The following SHISA9 variants were observed in gnomAD, a reference collection of about 807,000 sequenced individuals.
SHISA9 encodes the protein shisa family member 9, also known as protein shisa-9.
SHISA9 carries 13 observed loss-of-function variants against 38.0 expected under a neutral mutation model. That is an observed-to-expected ratio of 0.34 (90% CI 0.22 to 0.54). The LOEUF (loss-of-function observed/expected upper bound fraction) is 0.54, where lower values mean the gene tolerates loss of function less well. SHISA9 is among the 20% of genes least tolerant of loss of function. The pLI is 0.91. For synonymous variants in SHISA9, 275 were observed against 242.0 expected (o/e 1.14, Z -1.27); for missense variants, 538 against 575.8 (o/e 0.93, Z 0.67).
At chr16:13,169,434 G>A (rs989022053) in intron 2 of SHISA9, among the ~76,000 whole-genome samples, 2 of 152,082 alleles carry the variant, frequency 1.3e-5, no homozygotes, top group African/African-American at 4.8e-5. Context: ...AGGCCATTAT[G>A]TTAGGAAAAA....
intron 2 of SHISA9, among the ~76,000 whole-genome samples, chr16:13,099,289 A>AACAC (rs58123101): frequency 2.0e-5 from 3 of 152,048 alleles, no homozygotes; most frequent in Non-Finnish European, 2.9e-5. Context: ...AAAAATGAAC[A>AACAC]ACACACACAC....
chr16:13,417,515 T>C, the SHISA9 span, among the ~76,000 whole-genome samples: 25,313 of 152,124 alleles, frequency 0.17, 2,721 homozygotes, highest in East Asian at 0.37. Context: ...TTCCTCTCTC[T>C]TGTTAGCTAT....
the SHISA9 span, among the ~76,000 whole-genome samples, chr16:13,414,174 A>C: frequency 7.0e-4 from 106 of 152,312 alleles, no homozygotes; most frequent in Middle Eastern, 3.4e-3. Flanking sequence ...TACAGTTTAA[A>C]ATTATCACCA....
chr16:13,176,665 C>G lies in SHISA9; in HGVS notation c.692-26729C>G, dbSNP rs187801760. ...GCTTACATAACTAGTGATGCCCATT[C>G]CATCTCTGAGCTGGCTTTTTGACTC... On this transcript the variant is annotated intron_variant, in intron 2 of 4. Coordinates refer to ENST00000558583, the MANE Select transcript of SHISA9 (RefSeq NM_001145204.3). 1.8e-4 allele frequency among the ~76,000 whole-genome samples: 28 copies of G among 152,296 alleles called. No homozygotes were observed. The East Asian group carries it at 4.6e-3, about 25-fold the overall frequency.
At chr16:12,949,164 A>G (rs1452013091) in intron 2 of SHISA9, among the ~76,000 whole-genome samples, 1 of 152,188 alleles carries the variant, frequency 6.6e-6, no homozygotes, top group Non-Finnish European at 1.5e-5. Context: ...TGAGATAGGA[A>G]TTCTTATGCA....
chr16:12,969,421 C>T (rs1021528584), intron 2 of SHISA9, among the ~76,000 whole-genome samples: 2 of 151,068 alleles, frequency 1.3e-5, no homozygotes, highest in African/African-American at 4.9e-5. Context: ...TCACTCCTTG[C>T]ACTTATAAAG....
At chr16:13,058,496 T>C (rs2073335933) in intron 2 of SHISA9, among the ~76,000 whole-genome samples, 1 of 152,182 alleles carries the variant, frequency 6.6e-6, no homozygotes, top group Non-Finnish European at 1.5e-5. Flanking sequence ...CTACCATGAC[T>C]TACCATTATT....
the SHISA9 span, among the ~76,000 whole-genome samples, chr16:13,545,308 G>T: frequency 6.6e-6 from 1 of 152,178 alleles, no homozygotes; most frequent in South Asian, 2.1e-4. Context: ...TAAGAACCAG[G>T]ATAAGTTTCC....
chr16:13,455,564 C>T, the SHISA9 span, among the ~76,000 whole-genome samples: 6 of 152,200 alleles, frequency 3.9e-5, no homozygotes, highest in Admixed American at 6.5e-5. Context: ...TGCCTGGCCC[C>T]GGCTGAATCC....
chr16:13,388,601 C>A, the SHISA9 span, among the ~76,000 whole-genome samples: 2 of 152,150 alleles, frequency 1.3e-5, no homozygotes, highest in African/African-American at 2.4e-5. Flanking sequence ...CTGTGCCTGG[C>A]CAGCAGAATT....
chr16:13,067,996 C>T (rs2073454531), intron 2 of SHISA9, among the ~76,000 whole-genome samples: 2 of 152,206 alleles, frequency 1.3e-5, no homozygotes, highest in African/African-American at 4.8e-5. Flanking sequence ...CCTTCTCCAA[C>T]ACACAGTCAG....
chr16:13,381,735 C>G, the SHISA9 span, among the ~76,000 whole-genome samples: 1 of 152,030 alleles, frequency 6.6e-6, no homozygotes, highest in Non-Finnish European at 1.5e-5. Context: ...ATAAACCTAA[C>G]TAAGTGTATA....
intron 4 of SHISA9, among the ~76,000 whole-genome samples, chr16:13,233,381 A>C (rs924242344): frequency 6.6e-6 from 1 of 152,140 alleles, no homozygotes; most frequent in Non-Finnish European, 1.5e-5. Flanking sequence ...AAATTGGTAA[A>C]ACTCTTTTGT....
chr16:13,106,847 A>T (rs1412282095), intron 2 of SHISA9, among the ~76,000 whole-genome samples: 3 of 152,218 alleles, frequency 2.0e-5, no homozygotes, highest in African/African-American at 7.2e-5. Context: ...TTTTCTGAGA[A>T]TGAAGCCGTC....
chr16:12,968,189 C>CAAAAAAAAAAAAAAAAAAAAAAAAA (rs200194973), intron 2 of SHISA9, among the ~76,000 whole-genome samples: 1 of 82,002 alleles, frequency 1.2e-5, no homozygotes, highest in African/African-American at 4.9e-5. Flanking sequence ...GGCTCCATCT[C>CAAAAAAAAAAAAAAAAAAAAAAAAA]AAAAAAAAAA....
At chr16:13,140,417 T>C (rs2050392090) in intron 2 of SHISA9, among the ~76,000 whole-genome samples, 1 of 152,004 alleles carries the variant, frequency 6.6e-6, no homozygotes, top group African/African-American at 2.4e-5. Context: ...CCTCAGGTGA[T>C]CCACCTGCCT....
intron 2 of SHISA9, among the ~76,000 whole-genome samples, chr16:13,008,974 A>G (rs1056686536): frequency 1.3e-5 from 2 of 152,112 alleles, no homozygotes; most frequent in Non-Finnish European, 2.9e-5. Context: ...AAGAATCCAC[A>G]GTTCCAAAGT....
chr16:12,930,241 C>T (rs1276854730), intron 2 of SHISA9, among the ~76,000 whole-genome samples: 2 of 152,212 alleles, frequency 1.3e-5, no homozygotes, highest in African/African-American at 4.8e-5. Flanking sequence ...ACATACAATA[C>T]TGAGCACATT....
the SHISA9 span, among the ~76,000 whole-genome samples, chr16:13,548,075 A>T: frequency 1.3e-5 from 2 of 152,214 alleles, no homozygotes; most frequent in Non-Finnish European, 2.9e-5. Flanking sequence ...ACTTAAAGCC[A>T]GCCAATTTTT....
Sources: allele counts gnomAD v4.1 joint callset (sites outside exome capture counted in the v4.1 genomes callset), GRCh38; gene constraint gnomAD v4.1.1; transcripts MANE v1.5; gene names NCBI Gene and HGNC (gene_info 2026-07-23, HGNC 2026-07-21).